The following LNX1 variants were observed in gnomAD, a reference collection of about 807,000 sequenced individuals.
LNX1 encodes the protein ligand of numb-protein X 1.
LNX1 carries 54 observed loss-of-function variants against 68.4 expected under a neutral mutation model. The ratio of observed to expected loss-of-function variants is 0.79; its 90% CI spans 0.63 to 0.99. The LOEUF is 0.99. Ranked by LOEUF, LNX1 falls within the 50% of genes least tolerant of loss-of-function variation. The pLI is 0.00. For missense variants in LNX1, 906 were observed against 926.4 expected (o/e 0.98, Z 0.29); for synonymous variants, 336 against 350.0 (o/e 0.96, Z 0.45).
At chr4:53,522,569 C>T (rs1727303524) in intron 2 of LNX1, among the ~76,000 whole-genome samples, 2 of 152,196 alleles carry the variant, frequency 1.3e-5, no homozygotes, top group Non-Finnish European at 2.9e-5. Flanking sequence ...TACTAGACTG[C>T]AAACTTCCTA....
chr4:53,578,144 T>C (rs1731614481), intron 1 of LNX1, among the ~76,000 whole-genome samples: 1 of 152,208 alleles, frequency 6.6e-6, no homozygotes, highest in African/African-American at 2.4e-5. Context: ...AGAATCTTTC[T>C]TGATTATGGC....
At chr4:53,623,863 A>G (rs556205129) in intron 1 of LNX1, among the ~76,000 whole-genome samples, 1 of 152,210 alleles carries the variant, frequency 6.6e-6, no homozygotes, top group South Asian at 2.1e-4. Flanking sequence ...TGAGTAGCAA[A>G]GCTGGAAGTT....
At chr4:53,514,533 G>A (rs1159765699) in intron 2 of LNX1, among the ~76,000 whole-genome samples, 1 of 152,130 alleles carries the variant, frequency 6.6e-6, no homozygotes, top group Middle Eastern at 3.2e-3. Context: ...CAGATCTTGT[G>A]AGACTTATTC....
intron 4 of LNX1, among the ~76,000 whole-genome samples, chr4:53,506,856 T>TTAAAAAAAAAAAAAAAAAAAAAA (rs1725916959): frequency 1.8e-5 from 1 of 54,204 alleles, no homozygotes; most frequent in Non-Finnish European, 3.7e-5. Flanking sequence ...AAACTCTGTC[T>TTAAAAAAAAAAAAAAAAAAAAAA]AAAAAAAAAA....
chr4:53,521,857 T>A (rs567190517), intron 2 of LNX1, among the ~76,000 whole-genome samples: 2 of 152,262 alleles, frequency 1.3e-5, no homozygotes, highest in African/African-American at 4.8e-5. Flanking sequence ...TGGAGTGCAG[T>A]GGCATCATCA....
chr4:53,588,365 A>G (rs968138691), intron 1 of LNX1, among the ~76,000 whole-genome samples: 3 of 152,130 alleles, frequency 2.0e-5, no homozygotes, highest in Non-Finnish European at 2.9e-5. Flanking sequence ...ACACATTTCA[A>G]CCCATTTCAT....
At chr4:53,638,032 T>A (rs553096590) in intron 1 of LNX1, among the ~76,000 whole-genome samples, 6 of 152,336 alleles carry the variant, frequency 3.9e-5, no homozygotes, top group African/African-American at 1.4e-4. Context: ...ATGGTGGCAT[T>A]TTAACAAGAA....
In LNX1 at chr4:53,459,410, C is replaced by T. The variant is rs757089817; in HGVS notation, c.*1497G>A. On this transcript the variant is annotated 3_prime_UTR_variant, in exon 11 of 11. Transcript: ENST00000263925. The stretch of plus-strand genomic sequence containing the variant: ...GAAAAGAAGCGGGCAGTGAGCCTGC[C>T]CCTGAACAGGAGAGCACCGAAGCTA... 1 of 1,612,078 alleles carries T rather than the reference C, an allele frequency of 6.2e-7. No individual in the cohort carries two copies. The highest frequency in any genetic ancestry group is 2.2e-5 in the East Asian group (1 of 44,776).
At chr4:53,548,095 A>G (rs1482085836) in intron 2 of LNX1, among the ~76,000 whole-genome samples, 2 of 150,694 alleles carry the variant, frequency 1.3e-5, no homozygotes, top group African/African-American at 4.9e-5. Flanking sequence ...GTGGGGCCAC[A>G]TGAGCACACA....
At chr4:53,625,851 GT>G (rs1734055874) in intron 1 of LNX1, among the ~76,000 whole-genome samples, 2 of 145,216 alleles carry the variant, frequency 1.4e-5, no homozygotes, top group Admixed American at 1.3e-4. Flanking sequence ...CCCCGTGTGT[GT>G]GTGTGTGTGT....
chr4:53,491,149 C>A (rs1376755067), intron 6 of LNX1, among the ~76,000 whole-genome samples: 2 of 151,816 alleles, frequency 1.3e-5, no homozygotes, highest in African/African-American at 2.4e-5. Flanking sequence ...TTGCTTATTG[C>A]GAAGTATAGT....
chr4:53,503,588 T>C (rs1473883815), intron 4 of LNX1, among the ~76,000 whole-genome samples: 1 of 152,242 alleles, frequency 6.6e-6, no homozygotes, highest in African/African-American at 2.4e-5. Flanking sequence ...TAAAAAGATG[T>C]GCTGCCATCC....
At chr4:53,499,495 A>G (rs1439981406) in intron 4 of LNX1, among the ~76,000 whole-genome samples, 1 of 152,168 alleles carries the variant, frequency 6.6e-6, no homozygotes, top group Non-Finnish European at 1.5e-5. Flanking sequence ...TCATGCCCAT[A>G]AAACCTGAGG....
At chr4:53,577,077 G>A (rs950920502) in intron 1 of LNX1, among the ~76,000 whole-genome samples, 1 of 152,206 alleles carries the variant, frequency 6.6e-6, no homozygotes, top group Non-Finnish European at 1.5e-5. Flanking sequence ...AGGGGGTAAA[G>A]TTGTTTCAAG....
At chr4:53,582,776 T>C (rs1210884033) in intron 1 of LNX1, among the ~76,000 whole-genome samples, 2 of 152,168 alleles carry the variant, frequency 1.3e-5, no homozygotes, top group African/African-American at 4.8e-5. Context: ...TGTGGCAGAA[T>C]GGTTGCTTAG....
intron 2 of LNX1, 64 bp downstream of exon 2, chr4:53,573,559 G>T (rs1323835858): frequency 1.8e-6 from 2 of 1,110,880 alleles, no homozygotes; most frequent in African/African-American, 3.1e-5. Context: ...GAGACTGGGG[G>T]GTGGAGGGGT....
At position 53,461,562 on chromosome 4, in the gene LNX1, G is replaced by C. The variant is rs138092169; in HGVS notation, c.1924C>G (p.Arg642Gly). 6.2e-7 allele frequency: 1 copy of C among 1,611,574 alleles called. No individual in the cohort carries two copies. The highest frequency in any genetic ancestry group is 1.1e-5 in the South Asian group (1 of 90,912). Residue 642 changes from arginine to glycine, a missense_variant, in exon 10 of 11, where the codon CGA (arginine) becomes GGA (glycine). By Grantham distance (125) the Arg-to-Gly change is moderately radical. Transcript: ENST00000263925. ...CCCAGACTTCCAGCTGTGTTTCTTC[G>C]TAATACAATATCTTTACAGTTATAC... ...CLYNCKDIVL[R>G]RNTAGSLGFC...
At chr4:53,552,864 A>G (rs1220954651) in intron 2 of LNX1, among the ~76,000 whole-genome samples, 1 of 151,434 alleles carries the variant, frequency 6.6e-6, no homozygotes, top group East Asian at 1.9e-4. Flanking sequence ...TATTTAAAGG[A>G]ATGTTACAAA....
chr4:53,563,791 C>G (rs1327227246), intron 2 of LNX1, among the ~76,000 whole-genome samples: 1 of 152,202 alleles, frequency 6.6e-6, no homozygotes, highest in African/African-American at 2.4e-5. Flanking sequence ...CCTCGGCCTC[C>G]CAAAGTGCTG....
Sources: gnomAD v4.1 joint callset for allele counts (sites outside exome capture counted in the v4.1 genomes callset) on GRCh38, gnomAD v4.1.1 for gene constraint, MANE v1.5 for transcripts, NCBI Gene and HGNC (gene_info 2026-07-23, HGNC 2026-07-21) for gene names.